The following SOBP variants were observed in gnomAD, a reference collection of about 807,000 sequenced individuals.
SOBP encodes the protein sine oculis-binding protein homolog.
SOBP carries 4 observed loss-of-function variants against 53.6 expected under a neutral mutation model. The observed-to-expected ratio is 0.07, with a 90% CI of 0.04 to 0.17. The LOEUF (loss-of-function observed/expected upper bound fraction) is 0.17. Ranked by LOEUF, SOBP falls within the 10% of genes least tolerant of loss-of-function variation. The probability of loss-of-function intolerance (pLI) is 1.00; values close to 1 mark genes in which losing one functional copy is unlikely to be tolerated. For synonymous variants in SOBP, 584 were observed against 522.6 expected (o/e 1.12, Z -1.60); for missense variants, 1,088 against 1,204.7 (o/e 0.90, Z 1.43).
rs1771031285 is a variant in SOBP at position 107,636,137 on chromosome 6, G to A, written c.*3+668G>A. 6 of 162,242 alleles carry A rather than the reference G, an allele frequency of 3.7e-5. No homozygotes were observed. The South Asian group carries it at 1.0e-3, about 27-fold the overall frequency. The allele number at this position is 162,242 out of a possible 1,614,324, so 10.1% of individuals were successfully genotyped here. On this transcript the variant is annotated intron_variant, in intron 6 of 6. Coordinates refer to ENST00000317357, the MANE Select transcript of SOBP (RefSeq NM_018013.4). Reference sequence around the variant, plus strand: ...GTTTGGCACCAAGCAGCATCCCCCAGGGTAGGCCTCAAGCGTCACTGACCA... The same window carrying A: ...GTTTGGCACCAAGCAGCATCCCCCAAGGTAGGCCTCAAGCGTCACTGACCA...
chr6:107,532,870 C>T (rs1028714786), intron 3 of SOBP, among the ~76,000 whole-genome samples: 10 of 152,196 alleles, frequency 6.6e-5, no homozygotes, highest in African/African-American at 1.4e-4. Context: ...TGTCCCTTTC[C>T]GTTGCCAGAA....
At chr6:107,618,814 C>T (rs958104211) in intron 5 of SOBP, among the ~76,000 whole-genome samples, 3 of 152,152 alleles carry the variant, frequency 2.0e-5, no homozygotes, top group East Asian at 1.9e-4. Flanking sequence ...TGGAAGGTCA[C>T]GCCATAGGTA....
Position 107,570,944 on chromosome 6 carries a change from G to A in SOBP, c.574-16136G>A, listed in dbSNP as rs573827951. ...TTGTGCTTACGGTTTTCGTGAATGCGAAGGGATTTGCTGTCCTTGACGGTA... is the reference window on the plus strand; with the variant it reads ...TTGTGCTTACGGTTTTCGTGAATGCAAAGGGATTTGCTGTCCTTGACGGTA... On this transcript the variant is annotated intron_variant, in intron 4 of 6. Transcript: ENST00000317357. 2.6e-5 allele frequency among the ~76,000 whole-genome samples: 4 copies of A among 152,330 alleles called. 1 individual carries two copies. Among genetic ancestry groups the A allele is most frequent in the East Asian group, 1.9e-4 (1 of 5,184 alleles).
At chr6:107,496,824 A>G (rs774158747) in intron 1 of SOBP, among the ~76,000 whole-genome samples, 3 of 152,232 alleles carry the variant, frequency 2.0e-5, no homozygotes, top group South Asian at 4.1e-4. Flanking sequence ...TGAAAGAGGA[A>G]GTACTTTGTA....
Position 107,490,607 on chromosome 6 carries a change from A to T in SOBP, c.-10A>T, listed in dbSNP as rs1359756720. On this transcript the variant is annotated 5_prime_UTR_variant, in exon 1 of 7. Transcript: ENST00000317357. ...GCCATTTCATCTCCACAGAAACCAG[A>T]CACAAAAACATGGCAGAAATGGAGA... 6.3e-7 allele frequency: 1 copy of T among 1,595,996 alleles called. No individual in the cohort carries two copies. Among genetic ancestry groups the T allele is most frequent in the Non-Finnish European group, 8.5e-7 (1 of 1,169,848 alleles).
chr6:107,556,883 G>A (rs1784626218), intron 4 of SOBP, among the ~76,000 whole-genome samples: 1 of 152,122 alleles, frequency 6.6e-6, no homozygotes, highest in African/African-American at 2.4e-5. Flanking sequence ...AGAACCATGT[G>A]GTAATTGGGT....
intron 5 of SOBP, among the ~76,000 whole-genome samples, chr6:107,609,434 T>C (rs1032387859): frequency 6.6e-5 from 10 of 152,190 alleles, no homozygotes; most frequent in African/African-American, 2.4e-4. Flanking sequence ...GGTTGTATAC[T>C]CTTAGGCTAC....
chr6:107,500,519 TA>T (rs980972941), intron 1 of SOBP, among the ~76,000 whole-genome samples: 11 of 151,924 alleles, frequency 7.2e-5, no homozygotes, highest in South Asian at 2.1e-4. Flanking sequence ...AATTTAAATT[TA>T]AAAAAAATTT....
At chr6:107,491,903 C>G (rs1174974101) in intron 1 of SOBP, among the ~76,000 whole-genome samples, 2 of 152,212 alleles carry the variant, frequency 1.3e-5, no homozygotes, top group Non-Finnish European at 2.9e-5. Flanking sequence ...CAAGCATTTT[C>G]TATCATAGCT....
chr6:107,592,073 A>G (rs1285588502), intron 5 of SOBP, among the ~76,000 whole-genome samples: 1 of 150,116 alleles, frequency 6.7e-6, no homozygotes, highest in Non-Finnish European at 1.5e-5. Context: ...GCTTTGGGAC[A>G]ATGCATACAT....
intron 6 of SOBP, among the ~76,000 whole-genome samples, chr6:107,639,387 T>C (rs1446377712): frequency 1.3e-5 from 2 of 152,188 alleles, no homozygotes; most frequent in African/African-American, 2.4e-5. Context: ...CCTTTATGCA[T>C]TCTTGTGTGT....
intron 3 of SOBP, 76 bp downstream of exon 3, chr6:107,506,503 A>G: frequency 6.5e-7 from 1 of 1,536,786 alleles, no homozygotes; most frequent in Non-Finnish European, 9.0e-7. Context: ...TAATTATTAA[A>G]TGCTCAAGTT....
intron 5 of SOBP, among the ~76,000 whole-genome samples, chr6:107,623,774 A>C (rs1370595237): frequency 6.6e-6 from 1 of 152,246 alleles, no homozygotes; most frequent in Non-Finnish European, 1.5e-5. Context: ...GAAATAGTTG[A>C]TGAGCCCTTA....
chr6:107,535,226 AT>A (rs1296819076), intron 4 of SOBP, among the ~76,000 whole-genome samples: 1 of 152,214 alleles, frequency 6.6e-6, no homozygotes. Flanking sequence ...ACCTGATTCC[AT>A]TTGGAAAAAC....
intron 4 of SOBP, among the ~76,000 whole-genome samples, chr6:107,571,894 G>A (rs376972512): frequency 2.0e-5 from 3 of 152,312 alleles, no homozygotes; most frequent in African/African-American, 4.8e-5. Flanking sequence ...AAACAAATGA[G>A]CATAAACATT....
At chr6:107,520,770 T>G (rs952097215) in intron 3 of SOBP, among the ~76,000 whole-genome samples, 1 of 152,124 alleles carries the variant, frequency 6.6e-6, no homozygotes, top group Non-Finnish European at 1.5e-5. Flanking sequence ...CTTAGTTGAT[T>G]AACTTGACCA....
At chr6:107,516,803 C>G (rs1783334094) in intron 3 of SOBP, among the ~76,000 whole-genome samples, 1 of 152,042 alleles carries the variant, frequency 6.6e-6, no homozygotes, top group Non-Finnish European at 1.5e-5. Context: ...GGAAAATAAT[C>G]TCACAAAATA....
intron 4 of SOBP, among the ~76,000 whole-genome samples, chr6:107,586,466 A>G (rs1785570891): frequency 6.6e-6 from 1 of 152,114 alleles, no homozygotes; most frequent in Non-Finnish European, 1.5e-5. Flanking sequence ...TTCTTAATTA[A>G]CAGCGTAGAT....
At chr6:107,553,283 A>G (rs1440413664) in intron 4 of SOBP, among the ~76,000 whole-genome samples, 2 of 148,942 alleles carry the variant, frequency 1.3e-5, no homozygotes, top group African/African-American at 2.5e-5. Flanking sequence ...AAATCCACTC[A>G]CGGGCTTATT....
Sources: allele counts gnomAD v4.1 joint callset (sites outside exome capture counted in the v4.1 genomes callset), GRCh38; gene constraint gnomAD v4.1.1; transcripts MANE v1.5; gene names NCBI Gene and HGNC (gene_info 2026-07-23, HGNC 2026-07-21).